Variants in AVEN observed in about 807,000 individuals in gnomAD.
AVEN encodes apoptosis and caspase activation inhibitor.
A neutral mutation model predicts 38.1 loss-of-function variants in AVEN; 41 were observed. The ratio of observed to expected loss-of-function variants is 1.08; its 90% CI spans 0.84 to 1.40. AVEN has a LOEUF of 1.40. AVEN is among the 40% of genes most tolerant of loss of function. AVEN has a pLI of 0.00. For synonymous variants in AVEN, 206 were observed against 171.8 expected (o/e 1.20, Z -1.56); for missense variants, 605 against 438.8 (o/e 1.38, Z -3.38).
intron 11 of AVEN, chr15:33,860,530 C>G: frequency 1.1e-6 from 1 of 944,260 alleles, no homozygotes; most frequent in Non-Finnish European, 1.5e-6. Flanking sequence ...TAGCTTCTTC[C>G]TTTATCATTC....
chr15:33,937,932 C>CAAAAAAAAAAAAAA (rs55887919), intron 2 of AVEN, among the ~76,000 whole-genome samples: 3 of 100,856 alleles, frequency 3.0e-5, no homozygotes, highest in Non-Finnish European at 4.1e-5. Context: ...CCTACTTGAC[C>CAAAAAAAAAAAAAA]AAAAAAAAAA....
intron 11 of AVEN, chr15:33,861,172 A>C (rs1470399957): frequency 1.3e-6 from 2 of 1,583,934 alleles, no homozygotes; most frequent in African/African-American, 2.7e-5. Flanking sequence ...AACTTAGCCA[A>C]CTACTTGTGA....
At chr15:33,916,497 A>G (rs937641719) in intron 2 of AVEN, among the ~76,000 whole-genome samples, 1 of 152,220 alleles carries the variant, frequency 6.6e-6, no homozygotes, top group African/African-American at 2.4e-5. Context: ...CAGGAAAAAA[A>G]ACAAAGAATC....
intron 5 of AVEN, among the ~76,000 whole-genome samples, chr15:34,058,941 G>A (rs968046491): frequency 3.9e-5 from 6 of 152,030 alleles, no homozygotes; most frequent in African/African-American, 1.5e-4. Flanking sequence ...CTGTCGCCCA[G>A]GCTGGAATGC....
chr15:34,016,169 G>A (rs554476794), intron 1 of AVEN, among the ~76,000 whole-genome samples: 29 of 152,230 alleles, frequency 1.9e-4, no homozygotes, highest in Non-Finnish European at 3.4e-4. Context: ...CCAGCTACTC[G>A]GTTACAGTGA....
chr15:34,061,193 G>A (rs1340905408), intron 5 of AVEN, among the ~76,000 whole-genome samples: 2 of 152,026 alleles, frequency 1.3e-5, no homozygotes, highest in Non-Finnish European at 2.9e-5. Context: ...GTCAGAGGTG[G>A]GAGGGAGACC....
At chr15:33,882,194 C>A (rs114863101) in intron 2 of AVEN, among the ~76,000 whole-genome samples, 2,417 of 152,216 alleles carry the variant, frequency 0.016, 70 homozygotes, top group African/African-American at 0.054. Flanking sequence ...GCTTAAAAAA[C>A]AATAAAAATC....
intron 1 of AVEN, among the ~76,000 whole-genome samples, chr15:34,004,022 C>T (rs1387815163): frequency 5.3e-5 from 8 of 152,302 alleles, no homozygotes; most frequent in African/African-American, 1.7e-4. Context: ...CTCTCAGGTA[C>T]TCTCTTAGCA....
chr15:33,995,542 C>T (rs760552731), intron 2 of AVEN, among the ~76,000 whole-genome samples: 3 of 152,162 alleles, frequency 2.0e-5, no homozygotes, highest in Non-Finnish European at 4.4e-5. Context: ...CAAGGGAAAA[C>T]TTTTGAGTCC....
At chr15:33,939,676 T>C (rs920773008) in intron 2 of AVEN, among the ~76,000 whole-genome samples, 2 of 152,174 alleles carry the variant, frequency 1.3e-5, no homozygotes, top group African/African-American at 4.8e-5. Flanking sequence ...AATAGGATGA[T>C]TGCTAAACGT....
rs149056730 is a variant in AVEN at position 33,947,948 on chromosome 15, G to A, written c.445+55084C>T. Among the ~76,000 whole-genome samples the A allele has an allele frequency of 4.8e-3, 727 of 152,218 alleles. 6 individuals carry two copies. The highest frequency in any genetic ancestry group is 0.018 in the South Asian group (87 of 4,822). On this transcript the variant is annotated intron_variant, in intron 2 of 5. Transcript: ENST00000306730. ...AATACATGAACAATTCTGCTTTAAAGGTTTTTAAGAATGGCATTAAAAATC... is the reference window on the plus strand; with the variant it reads ...AATACATGAACAATTCTGCTTTAAAAGTTTTTAAGAATGGCATTAAAAATC...
chr15:34,008,090 GA>G (rs766021495), intron 1 of AVEN, among the ~76,000 whole-genome samples: 7 of 152,138 alleles, frequency 4.6e-5, no homozygotes, highest in African/African-American at 1.4e-4. Flanking sequence ...ATTCTTGGAA[GA>G]AAAAATCACC....
At chr15:34,062,861 T>C in intron 5 of AVEN, 1 of 1,614,196 alleles carries the variant, frequency 6.2e-7, no homozygotes, top group South Asian at 1.1e-5. Flanking sequence ...TTGTGGGCAA[T>C]GTCTTGGTCA....
chr15:33,884,537 A>G (rs1891623001), intron 2 of AVEN, among the ~76,000 whole-genome samples: 1 of 152,214 alleles, frequency 6.6e-6, no homozygotes, highest in African/African-American at 2.4e-5. Flanking sequence ...AAACTGGCCT[A>G]ACACATGTCT....
intron 2 of AVEN, among the ~76,000 whole-genome samples, chr15:33,937,273 G>A (rs1035941886): frequency 5.3e-5 from 8 of 151,838 alleles, no homozygotes; most frequent in African/African-American, 1.4e-4. Context: ...GGTGGCTCAC[G>A]CCTGTAATCC....
intron 2 of AVEN, among the ~76,000 whole-genome samples, chr15:33,893,944 T>A (rs1892097257): frequency 7.9e-6 from 1 of 126,294 alleles, no homozygotes. Flanking sequence ...GCAACCTTGA[T>A]GCCAAGATTT....
At chr15:33,860,567 T>G in intron 11 of AVEN, 1 of 1,455,578 alleles carries the variant, frequency 6.9e-7, no homozygotes, top group Non-Finnish European at 9.4e-7. Flanking sequence ...CTACACAGAT[T>G]GCTTTGTCTT....
Position 33,951,549 on chromosome 15 carries a change from C to T in AVEN, c.445+51483G>A, listed in dbSNP as rs528384653. ...CACGTTGTGCACATGTACCCTAGAACTTAAAGTATAATAAAAAAAAAAAAA... is the reference window on the plus strand; with the variant it reads ...CACGTTGTGCACATGTACCCTAGAATTTAAAGTATAATAAAAAAAAAAAAA... On this transcript the variant is annotated intron_variant, in intron 2 of 5. Coordinates refer to ENST00000306730, the MANE Select transcript of AVEN (RefSeq NM_020371.3). 1.4e-4 allele frequency among the ~76,000 whole-genome samples: 20 copies of T among 145,494 alleles called. No homozygotes were observed. In the South Asian group the frequency reaches 2.0e-3, roughly 14 times the overall value.
At chr15:33,923,974 T>TATG (rs34757677) in intron 2 of AVEN, among the ~76,000 whole-genome samples, 103,459 of 149,576 alleles carry the variant, frequency 0.69, 36,115 homozygotes, top group East Asian at 0.81. Flanking sequence ...GATTCTACAT[T>TATG]ATGAGTTGTA....
Sources: gnomAD v4.1 joint callset for allele counts (sites outside exome capture counted in the v4.1 genomes callset) on GRCh38, gnomAD v4.1.1 for gene constraint, MANE v1.5 for transcripts, NCBI Gene and HGNC (gene_info 2026-07-23, HGNC 2026-07-21) for gene names.